Variants in ZC3HAV1 observed in about 807,000 individuals in gnomAD.
ZC3HAV1 encodes the protein zinc finger CCCH-type containing, antiviral 1, also known as zinc finger CCCH-type antiviral protein 1.
Under a neutral mutation model 86.6 loss-of-function variants are expected in ZC3HAV1, and 41 were observed. The observed-to-expected ratio is 0.47, with a 90% CI of 0.37 to 0.61. The LOEUF is 0.61. Ranked by LOEUF, ZC3HAV1 falls within the 20% of genes least tolerant of loss-of-function variation. The pLI is 0.00. For synonymous variants in ZC3HAV1, 421 were observed against 432.1 expected (o/e 0.97, Z 0.32); for missense variants, 964 against 1,141.1 (o/e 0.84, Z 2.24).
At position 139,047,736 on chromosome 7, in the gene ZC3HAV1, G is replaced by C; in HGVS notation, c.2567C>G (p.Thr856Arg). The C allele has an allele frequency of 6.2e-7, 1 of 1,614,128 alleles. No homozygotes were observed. The highest frequency in any genetic ancestry group is 8.5e-7 in the Non-Finnish European group (1 of 1,180,024). The change falls in exon 13 of 13, where the codon ACG becomes AGG. Residue 856 changes from threonine to arginine, a missense_variant. Thr to Arg is a moderately conservative substitution (Grantham distance 71). Coordinates refer to ENST00000242351, the MANE Select transcript of ZC3HAV1 (RefSeq NM_020119.4). ...LVGKFTEGNI[T>R]YTSPPPQFDS... Reference sequence around the variant, plus strand: ...GAACTGTGGAGGAGGGCTCGTGTACGTTATATTTCCTTCAGTAAACTTTCC... The same window carrying C: ...GAACTGTGGAGGAGGGCTCGTGTACCTTATATTTCCTTCAGTAAACTTTCC...
At position 139,109,603 on chromosome 7, in the gene ZC3HAV1, C is replaced by A. The variant is rs1216989980; in HGVS notation, c.-272G>T. 2 of 390,636 alleles carry A rather than the reference C, an allele frequency of 5.1e-6. No individual in the cohort carries two copies. Among genetic ancestry groups the A allele is most frequent in the South Asian group, 5.4e-5 (1 of 18,596 alleles). The allele number at this position is 390,636 out of a possible 1,614,324, so 24.2% of individuals were successfully genotyped here. On this transcript the variant is annotated 5_prime_UTR_variant, in exon 1 of 13. Coordinates refer to ENST00000242351, the MANE Select transcript of ZC3HAV1 (RefSeq NM_020119.4). ...ACTGGGTGGAAAGAAAGAGAACGCG[C>A]GGGCAAATCTGCTGGTGACCGCCTG...
At chr7:139,076,800 G>A (rs1016420460) in intron 5 of ZC3HAV1, among the ~76,000 whole-genome samples, 4 of 151,908 alleles carry the variant, frequency 2.6e-5, no homozygotes, top group African/African-American at 9.7e-5. Context: ...ACTGAGGCAG[G>A]AGAATCACTT....
At chr7:139,099,374 C>A (rs1039853556) in intron 1 of ZC3HAV1, among the ~76,000 whole-genome samples, 3 of 152,178 alleles carry the variant, frequency 2.0e-5, no homozygotes, top group Admixed American at 2.0e-4. Context: ...AATACGCCCA[C>A]ACAAACAACA....
intron 9 of ZC3HAV1, chr7:139,060,419 A>G (rs771275956): frequency 1.0e-6 from 1 of 987,506 alleles, no homozygotes; most frequent in Non-Finnish European, 1.2e-6. Context: ...TTCCTTTAAA[A>G]TCCCTTCAAT....
chr7:139,083,786 G>T lies in ZC3HAV1; in HGVS notation c.691C>A (p.Pro231Thr), dbSNP rs777295020. The T allele has an allele frequency of 6.2e-7, 1 of 1,611,296 alleles. No individual in the cohort carries two copies. The highest frequency in any genetic ancestry group is 8.5e-7 in the Non-Finnish European group (1 of 1,177,796). The part of the protein sequence containing the change: ...SKHMQKNPPG[P>T]RAPSSHRRNM... ...AAAAAGAAAAGGCCTTTACCTCTGG[G>T]CCCTGGGGGATTCTTCTGCATGTGC... Residue 231 changes from proline to threonine, a missense_variant, in exon 3 of 13, where the codon CCC (proline) becomes ACC (threonine). Physicochemically the swap from Pro to Thr is conservative, Grantham distance 38. Coordinates refer to ENST00000242351, the MANE Select transcript of ZC3HAV1 (RefSeq NM_020119.4).
chr7:139,068,482 A>G (rs994295326), intron 7 of ZC3HAV1, among the ~76,000 whole-genome samples: 2 of 152,240 alleles, frequency 1.3e-5, no homozygotes, highest in African/African-American at 2.4e-5. Context: ...AATATGCCAG[A>G]GTGGCATATT....
At position 139,079,492 on chromosome 7, in the gene ZC3HAV1, G is replaced by A. The variant is rs201777899; in HGVS notation, c.1449C>T (p.Asp483=). ...QATGRIADDA[D]PRVALVNDSL... is the part of the protein sequence containing the mutation. ...TACCGTTAACAAGTGCTACTCTTGG[G>A]TCAGCATCATCTGCGATTCTGCCAG... Residue 483 remains aspartate (D), a synonymous_variant, in exon 4 of 13, where the codon GAC becomes GAT. Transcript: ENST00000242351. The A allele has an allele frequency of 1.2e-6, 2 of 1,614,150 alleles. No homozygotes were observed. The highest frequency in any genetic ancestry group is 2.2e-5 in the East Asian group (1 of 44,886).
intron 1 of ZC3HAV1, among the ~76,000 whole-genome samples, chr7:139,090,638 G>T (rs750167409): frequency 6.6e-6 from 1 of 151,610 alleles, no homozygotes; most frequent in African/African-American, 2.4e-5. Flanking sequence ...GAATATTATC[G>T]GTTGCACTAT....
At chr7:139,078,995 A>C in intron 4 of ZC3HAV1, 1 of 1,433,516 alleles carries the variant, frequency 7.0e-7, no homozygotes, top group Non-Finnish European at 9.2e-7. Context: ...AAAACCCTCT[A>C]ACTCTCTACC....
chr7:139,107,499 C>T (rs7804914), intron 1 of ZC3HAV1, among the ~76,000 whole-genome samples: 9,932 of 152,116 alleles, frequency 0.065, 1,066 homozygotes, highest in African/African-American at 0.23. Context: ...TTGTTAGGTG[C>T]GTGATCAAAA....
In ZC3HAV1 at chr7:139,109,189, C is replaced by T. The variant is rs1477110553; in HGVS notation, c.143G>A (p.Arg48His). The change falls in exon 1 of 13, where the codon CGC becomes CAC. Residue 48 changes from arginine to histidine, a missense_variant. Physicochemically the swap from Arg to His is conservative, Grantham distance 29. Transcript: ENST00000242351. ...CEVLQVAGPD[R>H]FVVLETGGEA... ...GCCGCCGGTCTCCAACACCACAAAG[C>T]GGTCGGGCCCGGCCACCTGCAGCAC... 1.2e-6 allele frequency: 2 copies of T among 1,605,026 alleles called. No homozygotes were observed.
At chr7:139,068,926 A>T (rs150288343) in intron 7 of ZC3HAV1, among the ~76,000 whole-genome samples, 270 of 152,328 alleles carry the variant, frequency 1.8e-3, no homozygotes, top group Admixed American at 5.2e-3. Context: ...TATGGTCAAG[A>T]GGTCACACAA....
At chr7:139,098,281 T>C (rs895177707) in intron 1 of ZC3HAV1, among the ~76,000 whole-genome samples, 2 of 152,190 alleles carry the variant, frequency 1.3e-5, no homozygotes, top group African/African-American at 4.8e-5. Flanking sequence ...ATGTAAATCA[T>C]ACCTCAATAA....
At position 139,046,311 on chromosome 7, in the gene ZC3HAV1, G is replaced by A. The variant is rs913660298; in HGVS notation, c.*1283C>T. 3.3e-5 allele frequency: 5 copies of A among 152,112 alleles called. No individual in the cohort carries two copies. The highest frequency in any genetic ancestry group is 3.3e-4 in the Admixed American group (5 of 15,264). The allele number at this position is 152,112 out of a possible 1,614,324, so 9.4% of individuals were successfully genotyped here. On this transcript the variant is annotated 3_prime_UTR_variant, in exon 13 of 13. Coordinates refer to ENST00000242351, the MANE Select transcript of ZC3HAV1 (RefSeq NM_020119.4). ...GAAACAAATTTCATCTCCGTAGGGGGCCCGTCCTTCAGTAGGAATGGCCCT... is the reference window on the plus strand; with the variant it reads ...GAAACAAATTTCATCTCCGTAGGGGACCCGTCCTTCAGTAGGAATGGCCCT...
At position 139,045,753 on chromosome 7, in the gene ZC3HAV1, A is replaced by C. The variant is rs1301428309; in HGVS notation, c.*1841T>G. On this transcript the variant is annotated 3_prime_UTR_variant, in exon 13 of 13. Transcript: ENST00000242351. ...AGTGGTGTCTAATGGGCTGTTGGAA[A>C]GAGTTGGACAAACTGCACCCCTACA... 6.6e-6 allele frequency: 1 copy of C among 152,100 alleles called. No individual in the cohort carries two copies. Among genetic ancestry groups the C allele is most frequent in the Non-Finnish European group, 1.5e-5 (1 of 68,012 alleles). 9.4% of individuals were successfully genotyped at this position (152,100 alleles called of 1,614,324 possible). A position where few individuals can be genotyped will look rare whatever the true frequency, so the allele number is the denominator to read the frequency against.
At chr7:139,091,392 CG>C (rs776061626) in intron 1 of ZC3HAV1, among the ~76,000 whole-genome samples, 10 of 152,058 alleles carry the variant, frequency 6.6e-5, no homozygotes, top group Non-Finnish European at 1.3e-4. Context: ...GGCGTGAACC[CG>C]GAAGGCGGAG....
At position 139,097,410 on chromosome 7, in the gene ZC3HAV1, ATATATATATATATATATATTT is replaced by A. The variant is rs1817622404; in HGVS notation, c.309-7672_309-7652del. 6.8e-5 allele frequency among the ~76,000 whole-genome samples: 5 copies of A among 73,122 alleles called. No homozygotes were observed. In the South Asian group the frequency reaches 2.3e-3, roughly 34 times the overall value. 48.0% of individuals were successfully genotyped at this position (73,122 alleles called of 152,430 possible). The stretch of plus-strand genomic sequence containing the variant: ...ACAAATATTGGAACTCCATATATAT[ATATATATATATATATATATTT>A]TTTTTTTTTTTTTTTTTCTTTGAGA... On this transcript the variant is annotated intron_variant, in intron 1 of 12. Transcript: ENST00000242351.
intron 2 of ZC3HAV1, 136 bp downstream of exon 2, chr7:139,089,488 C>T: frequency 8.6e-7 from 1 of 1,165,592 alleles, no homozygotes; most frequent in Non-Finnish European, 1.2e-6. Context: ...TCTTAGTTCA[C>T]TCAATAACAG....
chr7:139,063,045 A>G (rs1393047853), intron 8 of ZC3HAV1, among the ~76,000 whole-genome samples: 6 of 150,334 alleles, frequency 4.0e-5, no homozygotes, highest in Non-Finnish European at 4.4e-5. Context: ...AAAAAAAAAA[A>G]AAAAAAGAAA....
Sources: gnomAD v4.1 joint callset for allele counts (sites outside exome capture counted in the v4.1 genomes callset) on GRCh38, gnomAD v4.1.1 for gene constraint, MANE v1.5 for transcripts, NCBI Gene and HGNC (gene_info 2026-07-23, HGNC 2026-07-21) for gene names.